FBXO10: variants seen among roughly 807,000 people sequenced by gnomAD.
The protein encoded by FBXO10 is F-box protein 10.
A neutral mutation model predicts 80.7 loss-of-function variants in FBXO10; 39 were observed. The ratio of observed to expected loss-of-function variants is 0.48; its 90% confidence interval spans 0.37 to 0.63. The LOEUF (loss-of-function observed/expected upper bound fraction) is 0.63, where lower values mean the gene tolerates loss of function less well. Among genes scored for constraint, FBXO10 ranks in the 30% least tolerant of loss-of-function variants. FBXO10 has a pLI of 0.00. For synonymous variants in FBXO10, 449 were observed against 489.6 expected, an observed-to-expected ratio of 0.92 and a Z score of 1.09; for missense variants, 1,025 against 1,269.0, an observed-to-expected ratio of 0.81 and a Z score of 2.92.
chr9:37,521,662 G>A lies in FBXO10; in HGVS notation c.2107C>T (p.Leu703Phe). 1 of 1,613,982 alleles carries A rather than the reference G, an allele frequency of 6.2e-7. No individual in the cohort carries two copies. Among genetic ancestry groups the A allele is most frequent in the Non-Finnish European group, 8.5e-7 (1 of 1,179,884 alleles). Reference sequence around the variant, plus strand: ...TCCTTCTCCAGCTCTGTCTCCCAGAGGATGGCGTCCCCATCCTCGCTGAAG... The same window carrying A: ...TCCTTCTCCAGCTCTGTCTCCCAGAAGATGGCGTCCCCATCCTCGCTGAAG... ...ENFSEDGDAILWETELEKEDD... is the reference protein window; with the variant it reads ...ENFSEDGDAIFWETELEKEDD... Residue 703 changes from leucine (L) to phenylalanine (F), a missense_variant, in exon 8 of 11, where the codon CTC (leucine) becomes TTC (phenylalanine). Transcript: ENST00000432825.
intron 5 of FBXO10, among the ~76,000 whole-genome samples, chr9:37,527,306 T>C (rs1588831225): frequency 1.3e-5 from 2 of 152,330 alleles, no homozygotes; most frequent in South Asian, 2.1e-4. Context: ...TAAGGCAACA[T>C]ATGCACAGGG....
chr9:37,512,698 T>A lies in FBXO10; in HGVS notation c.2720A>T (p.Asn907Ile). The A allele has an allele frequency of 6.2e-7, 1 of 1,613,898 alleles. No individual in the cohort carries two copies. The highest frequency in any genetic ancestry group is 8.5e-7 in the Non-Finnish European group (1 of 1,179,842). The change falls in exon 11 of 11, where the codon AAC becomes ATC. Residue 907 changes from asparagine (N) to isoleucine (I), a missense_variant. Physicochemically the swap from Asn to Ile is moderately radical, Grantham distance 149 (BLOSUM62 -3). Around this residue, in one of 3 missense-constraint regions of FBXO10, gnomAD observed 97 missense variants for 101.8 expected, o/e 0.95. Transcript: ENST00000432825. ...KKKSDTWRLV[N>I]PPARPHLENS... is the part of the protein sequence containing the mutation. ...TTCAAGGTGGGGCCGTGCTGGTGGG[T>A]TCACCAGGCGCCACGTATCAGACCT...
chr9:37,575,150 C>T (rs1295738651), intron 1 of FBXO10, among the ~76,000 whole-genome samples: 1 of 151,606 alleles, frequency 6.6e-6, no homozygotes, highest in African/African-American at 2.4e-5. Context: ...TTTTCGGTGG[C>T]TACACATGCC....
chr9:37,516,320 G>C (rs1387816931), intron 9 of FBXO10, among the ~76,000 whole-genome samples: 2 of 152,220 alleles, frequency 1.3e-5, no homozygotes, highest in Non-Finnish European at 1.5e-5. Flanking sequence ...AACAGGGAGA[G>C]CTGTTGCAGG....
intron 2 of FBXO10, among the ~76,000 whole-genome samples, chr9:37,539,184 GAATTT>G (rs917692881): frequency 2.6e-5 from 4 of 152,162 alleles, no homozygotes; most frequent in Non-Finnish European, 4.4e-5. Flanking sequence ...GATTGTCCCA[GAATTT>G]AAGCCCCCTT....
chr9:37,537,189 C>G lies in FBXO10; in HGVS notation c.1340G>C (p.Cys447Ser). Residue 447 changes from cysteine to serine, a missense_variant, in exon 3 of 11, where the codon TGC (cysteine) becomes TCC (serine). By Grantham distance (112) the Cys-to-Ser change is moderately radical. Transcript: ENST00000432825. ...TTCCATCTTGGCTCTGCCGTGGGAGCAGACGAAGACGCCTCCCTTCCCGTC... is the reference window on the plus strand; with the variant it reads ...TTCCATCTTGGCTCTGCCGTGGGAGGAGACGAAGACGCCTCCCTTCCCGTC... The part of the protein sequence containing the change: ...FRDGKGGVFV[C>S]SHGRAKMEGN... The G allele has an allele frequency of 6.2e-7, 1 of 1,613,968 alleles. No individual in the cohort carries two copies.
chr9:37,549,465 G>A (rs17504570), intron 1 of FBXO10, among the ~76,000 whole-genome samples: 1 of 152,024 alleles, frequency 6.6e-6, no homozygotes, highest in Non-Finnish European at 1.5e-5. Flanking sequence ...CCATTCCAAC[G>A]CTTCCTCAAA....
intron 1 of FBXO10, among the ~76,000 whole-genome samples, chr9:37,555,156 T>C (rs1173558556): frequency 6.6e-6 from 1 of 152,150 alleles, no homozygotes; most frequent in Non-Finnish European, 1.5e-5. Context: ...GCTCAAGTGA[T>C]CCTGCTGCCT....
At chr9:37,545,886 C>A (rs150861016) in intron 1 of FBXO10, among the ~76,000 whole-genome samples, 1 of 152,144 alleles carries the variant, frequency 6.6e-6, no homozygotes, top group African/African-American at 2.4e-5. Context: ...GTGGCTCACA[C>A]CTGTAATCCC....
chr9:37,524,493 C>T (rs551309912), intron 6 of FBXO10, among the ~76,000 whole-genome samples: 1 of 152,280 alleles, frequency 6.6e-6, no homozygotes, highest in Admixed American at 6.5e-5. Flanking sequence ...CCAGTATTTG[C>T]GGAATCCCTT....
At chr9:37,557,939 G>A (rs1230066734) in intron 1 of FBXO10, among the ~76,000 whole-genome samples, 3 of 152,154 alleles carry the variant, frequency 2.0e-5, no homozygotes, top group Non-Finnish European at 2.9e-5. Context: ...CCCAGTGGGC[G>A]ATCTCATCTT....
chr9:37,575,601 C>T (rs1166763944), intron 1 of FBXO10: 1 of 152,250 alleles, frequency 6.6e-6, no homozygotes, highest in African/African-American at 2.4e-5. Flanking sequence ...TGAACCAGAG[C>T]TAACTGACTC....
In FBXO10 at chr9:37,532,032, G is replaced by A. The variant is rs16934263; in HGVS notation, c.1446C>T (p.Tyr482=). The change falls in exon 4 of 11, where the codon TAC becomes TAT. Residue 482 remains tyrosine (Y), a synonymous_variant. Transcript: ENST00000432825. ...SKIIMLRNDI[Y]RCRASGIFLR... is the part of the protein sequence containing the mutation. ...GAAAGATGCCTGACGCTCGGCAGCG[G>A]TAAATGTCGTTCCTGAGCATGATGA... is the stretch of plus-strand genomic sequence containing the variant. 39,641 of 1,613,614 alleles carry A rather than the reference G, an allele frequency of 0.025. 2,955 individuals carry two copies. The African/African-American group carries it at 0.26, about 11-fold the overall frequency.
Position 37,541,518 on chromosome 9 carries a change from G to T in FBXO10, c.251C>A (p.Thr84Lys), listed in dbSNP as rs746246737. The T allele has an allele frequency of 6.2e-7, 1 of 1,613,958 alleles. No homozygotes were observed. The highest frequency in any genetic ancestry group is 8.5e-7 in the Non-Finnish European group (1 of 1,179,836). ...AFKQHYLASK[T>K]WTKNALDLES... ...CAAGTCCAAGGCATTCTTGGTCCATGTCTTGGATGCAAGGTAATGCTGCTT... is the reference window on the plus strand; with the variant it reads ...CAAGTCCAAGGCATTCTTGGTCCATTTCTTGGATGCAAGGTAATGCTGCTT... Residue 84 changes from threonine to lysine, a missense_variant, in exon 2 of 11, where the codon ACA becomes AAA. Physicochemically the swap from Thr to Lys is moderately conservative, Grantham distance 78. Transcript: ENST00000432825.
chr9:37,517,114 T>C (rs114003148), intron 9 of FBXO10, among the ~76,000 whole-genome samples: 2,535 of 152,214 alleles, frequency 0.017, 82 homozygotes, highest in African/African-American at 0.058. Flanking sequence ...AAACCAAATA[T>C]CCTATGTCCT....
rs1588859296 is a variant in FBXO10, at chr9:37,563,203, G to GT, written c.-7+13007dup. Reference sequence around the variant, plus strand: ...TGAAGAGGTGCCTTCTGCCATGATTGTAAGTTTTCTGAGGCCTCCCCAGCC... The same window carrying GT: ...TGAAGAGGTGCCTTCTGCCATGATTGTTAAGTTTTCTGAGGCCTCCCCAGCC... On this transcript the variant is annotated intron_variant, in intron 1 of 10. Coordinates refer to ENST00000432825, the MANE Select transcript of FBXO10 (RefSeq NM_012166.3). Among the ~76,000 whole-genome samples, 6 of 152,294 alleles carry GT rather than the reference G, an allele frequency of 3.9e-5. 1 individual carries two copies. Among genetic ancestry groups the GT allele is most frequent in the African/African-American group, 1.4e-4 (6 of 41,560 alleles).
chr9:37,559,086 G>C (rs1231425337), intron 1 of FBXO10, among the ~76,000 whole-genome samples: 1 of 152,212 alleles, frequency 6.6e-6, no homozygotes, highest in Non-Finnish European at 1.5e-5. Flanking sequence ...TGGGATTACA[G>C]GCATGAGCCA....
intron 8 of FBXO10, 34 bp downstream of exon 8, chr9:37,521,535 G>A (rs753376545): frequency 8.0e-6 from 12 of 1,498,786 alleles, no homozygotes; most frequent in Non-Finnish European, 1.1e-5. Context: ...AGCCATGGAA[G>A]GTTCTTGAGC....
intron 6 of FBXO10, among the ~76,000 whole-genome samples, chr9:37,523,361 G>A (rs945369728): frequency 6.6e-5 from 10 of 150,634 alleles, no homozygotes; most frequent in Admixed American, 6.0e-4. Flanking sequence ...ACCATCCTGG[G>A]CAAAATGGGG....
Sources: allele counts gnomAD v4.1 joint callset (sites outside exome capture counted in the v4.1 genomes callset), GRCh38; gene constraint gnomAD v4.1.1; regional missense constraint gnomAD v4.1.1; transcripts MANE v1.5; gene names NCBI Gene and HGNC (gene_info 2026-07-23, HGNC 2026-07-21).